The following CREB5 variants were observed in gnomAD, a reference collection of about 807,000 sequenced individuals.
The protein encoded by CREB5 is cyclic AMP-responsive element-binding protein 5.
A neutral mutation model predicts 57.1 loss-of-function variants in CREB5; 19 were observed. That is an observed-to-expected ratio of 0.33 (90% CI 0.23 to 0.49). CREB5 has a LOEUF of 0.49. Among genes scored for constraint, CREB5 ranks in the 20% least tolerant of loss-of-function variants. The probability of loss-of-function intolerance (pLI) is 0.99; values close to 1 mark genes in which losing one functional copy is unlikely to be tolerated. For synonymous variants in CREB5, 238 were observed against 238.3 expected (o/e 1.00, Z 0.01); for missense variants, 579 against 671.6 (o/e 0.86, Z 1.52).
chr7:28,502,853 C>G (rs1009418586), intron 3 of CREB5, among the ~76,000 whole-genome samples: 1 of 152,038 alleles, frequency 6.6e-6, no homozygotes, highest in African/African-American at 2.4e-5. Flanking sequence ...ACTTTTTTAA[C>G]CATTGAGGAA....
intron 5 of CREB5, among the ~76,000 whole-genome samples, chr7:28,702,005 T>C (rs1471351958): frequency 6.6e-6 from 1 of 152,222 alleles, no homozygotes; most frequent in Non-Finnish European, 1.5e-5. Context: ...CCTATCACTC[T>C]GAAGTTCAAT....
intron 9 of CREB5, among the ~76,000 whole-genome samples, chr7:28,817,376 A>G (rs1809498192): frequency 6.6e-6 from 1 of 152,098 alleles, no homozygotes; most frequent in African/African-American, 2.4e-5. Flanking sequence ...TGAGTAGGAG[A>G]TGGTGGGGAG....
chr7:28,778,704 G>T (rs1446914773), intron 7 of CREB5, among the ~76,000 whole-genome samples: 5 of 152,076 alleles, frequency 3.3e-5, no homozygotes, highest in Non-Finnish European at 7.4e-5. Context: ...GGCATAGAGG[G>T]CAAAGATCAC....
rs201838146 is a variant in CREB5, at chr7:28,804,281, T to C, written c.785T>C (p.Met262Thr). 42 of 1,613,946 alleles carry C rather than the reference T, an allele frequency of 2.6e-5. No individual in the cohort carries two copies. The highest frequency in any genetic ancestry group is 2.8e-5 in the Non-Finnish European group (33 of 1,180,006). Residue 262 changes from methionine to threonine, a missense_variant, in exon 8 of 11, where the codon ATG becomes ACG. Transcript: ENST00000357727. Reference sequence around the variant, plus strand: ...ACCATGGGACACATGATGGAGATGATGGGCTCCCGGCAGGACCAGACGCCA... The same window carrying C: ...ACCATGGGACACATGATGGAGATGACGGGCTCCCGGCAGGACCAGACGCCA... ...MNTMGHMMEM[M>T]GSRQDQTPHH...
rs160351 is a variant in CREB5 at position 28,567,634 on chromosome 7, C to T, written c.292-2731C>T. 8.5e-3 allele frequency among the ~76,000 whole-genome samples: 1,295 copies of T among 152,294 alleles called. 16 individuals are homozygous for T. The highest frequency in any genetic ancestry group is 0.027 in the African/African-American group (1,112 of 41,556). ...GAAAAGGAGATGGTGCCCATCACTT[C>T]GGTGAGTGTGGGCAGGAAAGGTTTG... On this transcript the variant is annotated intron_variant, in intron 4 of 10. Transcript: ENST00000357727.
intron 1 of CREB5, among the ~76,000 whole-genome samples, chr7:28,478,833 T>G (rs1157675242): frequency 6.6e-6 from 1 of 152,184 alleles, no homozygotes; most frequent in Non-Finnish European, 1.5e-5. Context: ...TGATACCAGC[T>G]TAGTCATCTC....
intron 5 of CREB5, among the ~76,000 whole-genome samples, chr7:28,687,624 G>T (rs1433639452): frequency 6.6e-6 from 1 of 151,222 alleles, no homozygotes; most frequent in Admixed American, 6.6e-5. Context: ...AACTTCTCTT[G>T]GGCTTATTTA....
chr7:28,696,207 C>A (rs913477464), intron 5 of CREB5, among the ~76,000 whole-genome samples: 2 of 151,358 alleles, frequency 1.3e-5, no homozygotes, highest in Admixed American at 6.6e-5. Flanking sequence ...TGCCTCCCGA[C>A]CTTGAAAGGA....
At chr7:28,505,945 A>T (rs75916130) in intron 3 of CREB5, among the ~76,000 whole-genome samples, 2,477 of 152,344 alleles carry the variant, frequency 0.016, 31 homozygotes, top group Non-Finnish European at 0.024. Context: ...AACAATATTC[A>T]ACAAAACCCA....
At chr7:28,336,871 G>A (rs1200525571) in intron 1 of CREB5, among the ~76,000 whole-genome samples, 1 of 151,700 alleles carries the variant, frequency 6.6e-6, no homozygotes, top group African/African-American at 2.4e-5. Context: ...TGCTGTATCT[G>A]ATAGGTTTGG....
intron 5 of CREB5, among the ~76,000 whole-genome samples, chr7:28,641,845 T>G (rs1422798298): frequency 6.6e-6 from 1 of 152,250 alleles, no homozygotes; most frequent in Non-Finnish European, 1.5e-5. Context: ...GCCATCCCAT[T>G]CGTTTTTATG....
chr7:28,689,243 G>A (rs534572647), intron 5 of CREB5, among the ~76,000 whole-genome samples: 2 of 152,218 alleles, frequency 1.3e-5, no homozygotes, highest in East Asian at 1.9e-4. Context: ...TTGGGAGGCC[G>A]AGGTGGGTGG....
chr7:28,691,925 T>G (rs1366423437), intron 5 of CREB5, among the ~76,000 whole-genome samples: 1 of 151,074 alleles, frequency 6.6e-6, no homozygotes, highest in Non-Finnish European at 1.5e-5. Context: ...TCCCAGCACT[T>G]TGGGAGGCCG....
At chr7:28,607,725 G>T (rs1205941434) in intron 5 of CREB5, among the ~76,000 whole-genome samples, 1 of 147,506 alleles carries the variant, frequency 6.8e-6, no homozygotes, top group Non-Finnish European at 1.5e-5. Context: ...TAAGACCAGT[G>T]CCCACAGGGC....
chr7:28,444,278 C>T (rs1033675666), intron 1 of CREB5, among the ~76,000 whole-genome samples: 1 of 152,084 alleles, frequency 6.6e-6, no homozygotes, highest in Non-Finnish European at 1.5e-5. Context: ...GGGGGAGAAA[C>T]ATAAGGTCTT....
chr7:28,527,165 T>C (rs550835390), intron 4 of CREB5, among the ~76,000 whole-genome samples: 1 of 152,268 alleles, frequency 6.6e-6, no homozygotes, highest in African/African-American at 2.4e-5. Flanking sequence ...ATCCAAGAAG[T>C]AGTTTGGGTC....
At chr7:28,311,839 G>A (rs1308105271) in intron 1 of CREB5, among the ~76,000 whole-genome samples, 1 of 152,140 alleles carries the variant, frequency 6.6e-6, no homozygotes, top group Non-Finnish European at 1.5e-5. Context: ...CAGCAAAAGC[G>A]TCACGTGGCA....
chr7:28,564,875 CAG>C (rs1283026104), intron 4 of CREB5, among the ~76,000 whole-genome samples: 3 of 152,192 alleles, frequency 2.0e-5, no homozygotes, highest in Non-Finnish European at 4.4e-5. Flanking sequence ...GTCCATGAAT[CAG>C]AGTCTAAAAA....
intron 7 of CREB5, among the ~76,000 whole-genome samples, chr7:28,747,604 T>C (rs1043161350): frequency 1.3e-5 from 2 of 152,212 alleles, no homozygotes; most frequent in African/African-American, 2.4e-5. Flanking sequence ...ACACTCATTC[T>C]TGAGCCCTAA....
Sources: allele counts gnomAD v4.1 joint callset (sites outside exome capture counted in the v4.1 genomes callset), GRCh38; gene constraint gnomAD v4.1.1; transcripts MANE v1.5; gene names NCBI Gene and HGNC (gene_info 2026-07-23, HGNC 2026-07-21).